The following EEFSEC variants were observed in gnomAD, a reference collection of about 807,000 sequenced individuals.
The protein encoded by EEFSEC is eukaryotic elongation factor, selenocysteine-tRNA specific.
EEFSEC carries 43 observed loss-of-function variants against 42.1 expected under a neutral mutation model. That is an observed-to-expected ratio of 1.02 (90% CI 0.80 to 1.32). The LOEUF is 1.32. Among genes scored for constraint, EEFSEC ranks in the 40% most tolerant of loss-of-function variants. The pLI is 0.00. For missense variants in EEFSEC, 745 were observed against 803.6 expected (o/e 0.93, Z 0.88); for synonymous variants, 354 against 339.1 (o/e 1.04, Z -0.48).
At chr3:128,302,135 A>G (rs2108005281) in intron 4 of EEFSEC, among the ~76,000 whole-genome samples, 1 of 152,318 alleles carries the variant, frequency 6.6e-6, no homozygotes, top group East Asian at 1.9e-4. Context: ...CTTTCTTGGC[A>G]TGACATTTAT....
At chr3:128,204,219 G>C (rs936097453) in intron 1 of EEFSEC, among the ~76,000 whole-genome samples, 3 of 152,172 alleles carry the variant, frequency 2.0e-5, no homozygotes, top group African/African-American at 7.2e-5. Context: ...TCTTAAGCTG[G>C]TGACTTACCC....
chr3:128,193,056 G>A (rs185523968), intron 1 of EEFSEC, among the ~76,000 whole-genome samples: 3 of 152,214 alleles, frequency 2.0e-5, no homozygotes, highest in Admixed American at 1.3e-4. Context: ...GTCCCTTCAG[G>A]GTTAAATGGG....
At position 128,354,401 on chromosome 3, in the gene EEFSEC, C is replaced by T. The variant is rs548790245; in HGVS notation, c.1444-3816C>T. On this transcript the variant is annotated intron_variant, in intron 5 of 6. Transcript: ENST00000254730. The stretch of plus-strand genomic sequence containing the variant: ...GAAGGTCAAAAAAAGCCCACTCACT[C>T]CTCACCTTATCCCGGATGCTTAAAA... Among the ~76,000 whole-genome samples the T allele has an allele frequency of 2.6e-5, 4 of 152,332 alleles. No individual in the cohort carries two copies. In the South Asian group the frequency reaches 8.3e-4, roughly 32 times the overall value.
At chr3:128,417,947 C>T in the EEFSEC span, among the ~76,000 whole-genome samples, 1 of 152,030 alleles carries the variant, frequency 6.6e-6, no homozygotes, top group East Asian at 1.9e-4. The surrounding 1 kb of genome is among the most constrained non-coding windows in gnomAD (Gnocchi z 4.3). Context: ...ACCCGGGGGC[C>T]TTCCCAACCT....
intron 4 of EEFSEC, among the ~76,000 whole-genome samples, chr3:128,314,104 C>A (rs530532999): frequency 6.6e-6 from 1 of 152,220 alleles, no homozygotes; most frequent in Non-Finnish European, 1.5e-5. Context: ...ATGCTGCTCT[C>A]TCTCTCCCTC....
At chr3:128,412,918 C>T (rs1335142300), downstream of EEFSEC, among the ~76,000 whole-genome samples, 1 of 152,048 alleles carries the variant, frequency 6.6e-6, no homozygotes, top group Non-Finnish European at 1.5e-5. Flanking sequence ...CCTCGGGCAG[C>T]CAGGGAGGCC....
chr3:128,349,837 T>G (rs1052466391), intron 5 of EEFSEC, among the ~76,000 whole-genome samples: 13 of 152,248 alleles, frequency 8.5e-5, no homozygotes, highest in African/African-American at 3.1e-4. Context: ...ATGTGCTATA[T>G]GTAACATGCT....
intron 1 of EEFSEC, among the ~76,000 whole-genome samples, chr3:128,233,179 C>T (rs1176739612): frequency 1.3e-5 from 2 of 152,186 alleles, no homozygotes; most frequent in Non-Finnish European, 2.9e-5. Flanking sequence ...AGAGTGAGTT[C>T]CAGGCTCAGT....
In EEFSEC at chr3:128,180,225, A is replaced by G. The variant is rs1446400957; in HGVS notation, c.316+26402A>G. ...TTTGTCTCATCAGATCGAGTACTTAAGACAAAACTACGAAGGACTTCAATA... is the reference window on the plus strand; with the variant it reads ...TTTGTCTCATCAGATCGAGTACTTAGGACAAAACTACGAAGGACTTCAATA... On this transcript the variant is annotated intron_variant, in intron 1 of 6. Transcript: ENST00000254730. Among the ~76,000 whole-genome samples the G allele has an allele frequency of 2.0e-5, 3 of 152,230 alleles. No individual in the cohort carries two copies. In the East Asian group the frequency reaches 5.8e-4, roughly 29 times the overall value.
At chr3:128,393,083 C>T (rs1406387488) in intron 6 of EEFSEC, among the ~76,000 whole-genome samples, 1 of 152,224 alleles carries the variant, frequency 6.6e-6, no homozygotes, top group Non-Finnish European at 1.5e-5. Flanking sequence ...AGGCACCTGG[C>T]CTTTAAGGCT....
At chr3:128,425,057 A>G in the EEFSEC span, among the ~76,000 whole-genome samples, 2 of 152,176 alleles carry the variant, frequency 1.3e-5, no homozygotes, top group Non-Finnish European at 2.9e-5. Flanking sequence ...TGTCACATAC[A>G]GTAAAAATCA....
the EEFSEC span, among the ~76,000 whole-genome samples, chr3:128,420,769 C>T: frequency 2.6e-5 from 4 of 152,100 alleles, no homozygotes; most frequent in African/African-American, 9.7e-5. Flanking sequence ...CCCCCTGCTC[C>T]TGCCACCCTG....
At chr3:128,238,909 G>A (rs537012296) in intron 1 of EEFSEC, among the ~76,000 whole-genome samples, 2 of 152,306 alleles carry the variant, frequency 1.3e-5, no homozygotes, top group East Asian at 1.9e-4. Context: ...GGTCCACGTG[G>A]TATGGCATAT....
At chr3:128,382,316 G>A (rs1331140767) in intron 6 of EEFSEC, among the ~76,000 whole-genome samples, 1 of 152,246 alleles carries the variant, frequency 6.6e-6, no homozygotes, top group Non-Finnish European at 1.5e-5. Flanking sequence ...ATTCAGCAGA[G>A]CAGGGAGCGT....
chr3:128,278,793 T>C (rs958120417), intron 4 of EEFSEC, among the ~76,000 whole-genome samples: 2 of 152,074 alleles, frequency 1.3e-5, no homozygotes, highest in Admixed American at 1.3e-4. Flanking sequence ...GGAGGGTATT[T>C]CTAGGGACAC....
intron 1 of EEFSEC, among the ~76,000 whole-genome samples, chr3:128,173,371 T>G (rs775483927): frequency 5.3e-4 from 80 of 152,182 alleles, no homozygotes; most frequent in Non-Finnish European, 8.4e-4. Flanking sequence ...TGTTTTGTGG[T>G]AGTAATTTCC....
intron 4 of EEFSEC, among the ~76,000 whole-genome samples, chr3:128,299,913 T>C (rs1057330044): frequency 6.6e-6 from 1 of 152,232 alleles, no homozygotes; most frequent in African/African-American, 2.4e-5. Context: ...ATCCAAGTCC[T>C]GGGGTGGTTC....
chr3:128,226,247 AC>A (rs1345973400), intron 1 of EEFSEC, among the ~76,000 whole-genome samples: 6 of 152,182 alleles, frequency 3.9e-5, no homozygotes, highest in Non-Finnish European at 7.3e-5. Context: ...ATAAAGGAGG[AC>A]ATCAGAACCA....
chr3:128,412,668 A>T (rs1472848976), downstream of EEFSEC, among the ~76,000 whole-genome samples: 1 of 152,264 alleles, frequency 6.6e-6, no homozygotes, highest in Non-Finnish European at 1.5e-5. Flanking sequence ...CTGCACCTCC[A>T]GGAGCCTCCA....
Sources: allele counts gnomAD v4.1 joint callset (sites outside exome capture counted in the v4.1 genomes callset), GRCh38; gene constraint gnomAD v4.1.1; non-coding constraint Gnocchi (gnomAD v3.1); transcripts MANE v1.5; gene names NCBI Gene and HGNC (gene_info 2026-07-23, HGNC 2026-07-21).